PPIF: variants seen among roughly 807,000 people sequenced by gnomAD.
The protein encoded by PPIF is peptidyl-prolyl cis-trans isomerase F, mitochondrial.
In PPIF, 23 loss-of-function variants were observed where a neutral mutation model predicts 20.2. The ratio of observed to expected loss-of-function variants is 1.14; its 90% confidence interval spans 0.82 to 1.61. PPIF has a LOEUF of 1.61. Among genes scored for constraint, PPIF ranks in the 40% most tolerant of loss-of-function variants. The probability of loss-of-function intolerance (pLI) is 0.00; values close to 1 mark genes in which losing one functional copy is unlikely to be tolerated. For missense variants in PPIF, 287 were observed against 291.6 expected (o/e 0.98, Z 0.11); for synonymous variants, 113 against 123.1 (o/e 0.92, Z 0.54).
At chr10:79,348,061 G>T (rs1212617982) in intron 1 of PPIF, among the ~76,000 whole-genome samples, 1 of 152,174 alleles carries the variant, frequency 6.6e-6, no homozygotes, top group Non-Finnish European at 1.5e-5. Flanking sequence ...TTCTGGGGCT[G>T]AGCCTAGATC....
rs1856035227 is a variant in PPIF at position 79,355,282 on chromosome 10, C to T, written c.*1440C>T. On this transcript the variant is annotated 3_prime_UTR_variant, in exon 6 of 6. Coordinates refer to ENST00000225174, the MANE Select transcript of PPIF (RefSeq NM_005729.4). ...AAGCTGAGCAGATGCCAGCACCATG[C>T]TTCCTGTACATCCTGCAGAACCATA... 1 of 152,218 alleles carries T rather than the reference C, an allele frequency of 6.6e-6. No homozygotes were observed. 9.4% of individuals were successfully genotyped at this position (152,218 alleles called of 1,614,324 possible).
Position 79,347,494 on chromosome 10 carries a change from G to A in PPIF, c.-55G>A. 8.0e-7 allele frequency: 1 copy of A among 1,254,702 alleles called. No individual in the cohort carries two copies. Among genetic ancestry groups the A allele is most frequent in the Non-Finnish European group, 1.0e-6 (1 of 1,000,502 alleles). The allele number at this position is 1,254,702 out of a possible 1,614,324, so 77.7% of individuals were successfully genotyped here. A position where few individuals can be genotyped will look rare whatever the true frequency, so the allele number is the denominator to read the frequency against. ...ACTCGGCCTTCTGGGCGCGCGCGACGTCAGTTTGAGTTCTGTGTTCTCCCC... is the reference window on the plus strand; with the variant it reads ...ACTCGGCCTTCTGGGCGCGCGCGACATCAGTTTGAGTTCTGTGTTCTCCCC... On this transcript the variant is annotated 5_prime_UTR_variant, in exon 1 of 6. Transcript: ENST00000225174.
rs372263932 is a variant in PPIF at position 79,349,668 on chromosome 10, A to G, written c.230A>G (p.Asn77Ser). 1.9e-6 allele frequency: 3 copies of G among 1,613,212 alleles called. No homozygotes were observed. Among genetic ancestry groups the G allele is most frequent in the African/African-American group, 1.3e-5 (1 of 74,888 alleles). The stretch of plus-strand genomic sequence containing the variant: ...TGTGTTTCTCTTCGACCCTCAGAGA[A>G]CTTCAGAGCCCTGTGCACTGGTGAG... ...KADVVPKTAE[N>S]FRALCTGEKG... Residue 77 changes from asparagine to serine, a missense_variant, in exon 3 of 6, where the codon AAC (asparagine) becomes AGC (serine). Asn to Ser is a conservative substitution (Grantham distance 46, BLOSUM62 1). Coordinates refer to ENST00000225174, the MANE Select transcript of PPIF (RefSeq NM_005729.4).
At position 79,347,677 on chromosome 10, in the gene PPIF, CG is replaced by C; in HGVS notation, c.132del (p.Asn45ThrfsTer22). The C allele has an allele frequency of 6.8e-7, 1 of 1,479,694 alleles. No homozygotes were observed. Among genetic ancestry groups the C allele is most frequent in the South Asian group, 1.3e-5 (1 of 75,934 alleles). The allele number at this position is 1,479,694 out of a possible 1,614,324, so 91.7% of individuals were successfully genotyped here. A position where few individuals can be genotyped will look rare whatever the true frequency, so the allele number is the denominator to read the frequency against. Reference sequence around the variant, plus strand: ...GCGACCCGTCCTCTTCCTCCTCCTCCGGGAACCCGCTCGTGTACCTGGACGT... The same window carrying C: ...GCGACCCGTCCTCTTCCTCCTCCTCCGGAACCCGCTCGTGTACCTGGACGT... ...SGDPSSSSSS[G>X]NPLVYLDVDA... is the part of the protein sequence containing the mutation. On this transcript the variant is annotated frameshift_variant, in exon 1 of 6. Transcript: ENST00000225174. LOFTEE classifies it high-confidence loss of function.
At position 79,347,523 on chromosome 10, in the gene PPIF, C is replaced by A. The variant is rs540113003; in HGVS notation, c.-26C>A. 5 of 1,293,042 alleles carry A rather than the reference C, an allele frequency of 3.9e-6. No individual in the cohort carries two copies. Among genetic ancestry groups the A allele is most frequent in the East Asian group, 3.2e-5 (1 of 31,506 alleles). The allele number at this position is 1,293,042 out of a possible 1,614,324, so 80.1% of individuals were successfully genotyped here. ...GTTTGAGTTCTGTGTTCTCCCCGCC[C>A]GTGTCCCGCCCGACCCGCGCCCGCG... is the stretch of plus-strand genomic sequence containing the variant. On this transcript the variant is annotated 5_prime_UTR_variant, in exon 1 of 6. Coordinates refer to ENST00000225174, the MANE Select transcript of PPIF (RefSeq NM_005729.4).
At chr10:79,353,159 C>T (rs1306827465) in intron 5 of PPIF, among the ~76,000 whole-genome samples, 1 of 152,250 alleles carries the variant, frequency 6.6e-6, no homozygotes, top group African/African-American at 2.4e-5. Flanking sequence ...TCAGCCTGCT[C>T]TTTGCTCCTT....
chr10:79,348,362 TGGG>T (rs1433764263), intron 1 of PPIF, among the ~76,000 whole-genome samples: 1 of 152,130 alleles, frequency 6.6e-6, no homozygotes, highest in East Asian at 1.9e-4. Context: ...CCACTGTCCT[TGGG>T]GGCCACACTG....
chr10:79,352,501 G>T (rs1855996978), intron 5 of PPIF, 109 bp downstream of exon 5: 3 of 1,112,236 alleles, frequency 2.7e-6, no homozygotes, highest in Admixed American at 1.8e-5. Flanking sequence ...TCTGCTCTGG[G>T]ACAGTGGCCC....
chr10:79,352,779 T>G (rs1423902601), intron 5 of PPIF, among the ~76,000 whole-genome samples: 2 of 152,308 alleles, frequency 1.3e-5, no homozygotes, highest in Non-Finnish European at 2.9e-5. Context: ...TTCCCAGGCT[T>G]GTCTTGACCA....
intron 3 of PPIF, chr10:79,350,075 C>CT: frequency 2.8e-6 from 1 of 362,034 alleles, no homozygotes; most frequent in Admixed American, 4.0e-5. Context: ...CCAGTGGTCT[C>CT]TGACCTTGTC....
chr10:79,347,739 TG>T lies in PPIF; in HGVS notation c.193del (p.Glu65SerfsTer2). Reference protein sequence around the residue: ...ANGKPLGRVVLELKADVVPKT... With the variant: ...ANGKPLGRVVXELKADVVPKT... ...GGGAAGCCGCTCGGCCGCGTGGTGC[TG>T]GAGGTGAGACCGCTCGCAGGGCCGG... On this transcript the variant is annotated frameshift_variant, in exon 1 of 6. Transcript: ENST00000225174. LOFTEE classifies it high-confidence loss of function. The T allele has an allele frequency of 7.2e-7, 1 of 1,391,836 alleles. No individual in the cohort carries two copies. The highest frequency in any genetic ancestry group is 1.7e-5 in the South Asian group (1 of 57,154). 86.2% of individuals were successfully genotyped at this position (1,391,836 alleles called of 1,614,324 possible).
In PPIF at chr10:79,347,665, T is replaced by TTCCTCC; in HGVS notation, c.124_129dup (p.Ser42_Ser43dup). On this transcript the variant is annotated inframe_insertion, in exon 1 of 6. Coordinates refer to ENST00000225174, the MANE Select transcript of PPIF (RefSeq NM_005729.4). ...GCAAGGGCTCCGGCGACCCGTCCTC[T>TTCCTCC]TCCTCCTCCTCCGGGAACCCGCTCG... 1 of 1,473,694 alleles carries TTCCTCC rather than the reference T, an allele frequency of 6.8e-7. No individual in the cohort carries two copies. The highest frequency in any genetic ancestry group is 9.0e-7 in the Non-Finnish European group (1 of 1,108,876). 91.3% of individuals were successfully genotyped at this position (1,473,694 alleles called of 1,614,324 possible).
At chr10:79,351,708 C>G (rs978056520) in intron 4 of PPIF, 125 bp downstream of exon 4, 1 of 796,276 alleles carries the variant, frequency 1.3e-6, no homozygotes. Flanking sequence ...TTCCTCCCTG[C>G]GACACTGTAG....
Position 79,352,401 on chromosome 10 carries a change from C to T in PPIF, c.488+9C>T. 6.2e-7 allele frequency: 1 copy of T among 1,612,650 alleles called. No individual in the cohort carries two copies. Among genetic ancestry groups the T allele is most frequent in the Non-Finnish European group, 8.5e-7 (1 of 1,178,642 alleles). Reference sequence around the variant, plus strand: ...ACCATAAAGACAGACTGGTGAGTTCCCTGCCCCAGGCCCTCTGGGAATGCG... The same window carrying T: ...ACCATAAAGACAGACTGGTGAGTTCTCTGCCCCAGGCCCTCTGGGAATGCG... On this transcript the variant is annotated intron_variant, in intron 5 of 5. Transcript: ENST00000225174.
chr10:79,347,582 G>T lies in PPIF; in HGVS notation c.34G>T (p.Gly12Cys). 7.1e-7 allele frequency: 1 copy of T among 1,400,610 alleles called. No individual in the cohort carries two copies. Among genetic ancestry groups the T allele is most frequent in the Non-Finnish European group, 9.3e-7 (1 of 1,074,744 alleles). The allele number at this position is 1,400,610 out of a possible 1,614,324, so 86.8% of individuals were successfully genotyped here. A position where few individuals can be genotyped will look rare whatever the true frequency, so the allele number is the denominator to read the frequency against. Residue 12 changes from glycine (G) to cysteine (C), a missense_variant, in exon 1 of 6, where the codon GGC becomes TGC. By Grantham distance (159) the Gly-to-Cys change is radical (BLOSUM62 -3). Coordinates refer to ENST00000225174, the MANE Select transcript of PPIF (RefSeq NM_005729.4). The stretch of plus-strand genomic sequence containing the variant: ...GCTGCGCTGCGGCTCCCGCTGGCTC[G>T]GCCTGCTCTCCGTCCCGCGCTCCGT... ...LALRCGSRWL[G>C]LLSVPRSVPL...
chr10:79,350,323 G>T (rs7901292), intron 3 of PPIF, among the ~76,000 whole-genome samples: 6,089 of 152,264 alleles, frequency 0.04, 419 homozygotes, highest in African/African-American at 0.14. Context: ...GTTGTAGCAG[G>T]AGCTTCCTGT....
At chr10:79,349,918 T>C in intron 3 of PPIF, 165 bp downstream of exon 3, 1 of 1,414,448 alleles carries the variant, frequency 7.1e-7, no homozygotes, top group Non-Finnish European at 9.4e-7. Context: ...TCACTGCACA[T>C]GGAAGCCCAG....
intron 3 of PPIF, chr10:79,350,108 G>C (rs34562979): frequency 0.017 from 4,484 of 269,538 alleles, 53 homozygotes; most frequent in Non-Finnish European, 0.025. Context: ...CTGAGCACTG[G>C]TGTGGGAGAT....
intron 5 of PPIF, 32 bp from the exon 6 acceptor site, chr10:79,353,675 C>T (rs778968568): frequency 1.2e-6 from 2 of 1,614,102 alleles, no homozygotes; most frequent in South Asian, 1.1e-5. Flanking sequence ...TTGCGCTACA[C>T]TGTTGCTCAC....
Sources: allele counts gnomAD v4.1 joint callset (sites outside exome capture counted in the v4.1 genomes callset), GRCh38; gene constraint gnomAD v4.1.1; transcripts MANE v1.5; gene names NCBI Gene and HGNC (gene_info 2026-07-23, HGNC 2026-07-21).